Variants in LRRC8D observed in about 807,000 individuals in gnomAD.
LRRC8D encodes the protein leucine rich repeat containing 8 VRAC subunit D.
Under a neutral mutation model 55.8 loss-of-function variants are expected in LRRC8D, and 20 were observed. The observed-to-expected ratio is 0.36, with a 90% CI of 0.25 to 0.52. The LOEUF is 0.52. Among genes scored for constraint, LRRC8D ranks in the 20% least tolerant of loss-of-function variants. LRRC8D has a pLI of 0.93. For missense variants in LRRC8D, 651 were observed against 1,030.8 expected, an observed-to-expected ratio of 0.63 and a Z score of 5.05; for synonymous variants, 352 against 377.0, an observed-to-expected ratio of 0.93 and a Z score of 0.77.
At chr1:89,864,994 C>G (rs1288673843) in intron 2 of LRRC8D, among the ~76,000 whole-genome samples, 1 of 152,194 alleles carries the variant, frequency 6.6e-6, no homozygotes, top group East Asian at 1.9e-4. Context: ...AGCTGTCTAA[C>G]CCCTAAACTG....
chr1:89,887,940 A>G (rs1662466153), intron 2 of LRRC8D, among the ~76,000 whole-genome samples: 1 of 152,214 alleles, frequency 6.6e-6, no homozygotes, highest in Non-Finnish European at 1.5e-5. Flanking sequence ...TCATACCCTG[A>G]GTTTATTATC....
Position 89,933,954 on chromosome 1 carries a change from G to T in LRRC8D, c.886G>T (p.Ala296Ser). 1 of 1,614,166 alleles carries T rather than the reference G, an allele frequency of 6.2e-7. No individual in the cohort carries two copies. The highest frequency in any genetic ancestry group is 1.3e-5 in the African/African-American group (1 of 75,054). ...GTTTGAGAAAGTGAGGAAGTTCCGTGCCCATGTGGAAGATAGTGACTTGAT... is the reference window on the plus strand; with the variant it reads ...GTTTGAGAAAGTGAGGAAGTTCCGTTCCCATGTGGAAGATAGTGACTTGAT... ...ALFEKVRKFR[A>S]HVEDSDLIYK... is the part of the protein sequence containing the mutation. Residue 296 changes from alanine (A) to serine (S), a missense_variant, in exon 3 of 3, where the codon GCC (alanine) becomes TCC (serine). By Grantham distance (99) the Ala-to-Ser change is moderately conservative. Transcript: ENST00000337338. The surrounding 1 kb of genome is among the most constrained non-coding windows in gnomAD (Gnocchi z 7.0).
intron 2 of LRRC8D, among the ~76,000 whole-genome samples, chr1:89,860,956 A>G (rs1297656765): frequency 6.6e-6 from 1 of 151,730 alleles, no homozygotes; most frequent in East Asian, 1.9e-4. Flanking sequence ...TGGGATAAAG[A>G]TAGGTAGAAG....
chr1:89,930,734 T>C (rs979646419), intron 2 of LRRC8D, among the ~76,000 whole-genome samples: 7 of 151,638 alleles, frequency 4.6e-5, no homozygotes, highest in Admixed American at 4.0e-4. Flanking sequence ...GTATGTGAAG[T>C]AAGAGTCATT....
intron 1 of LRRC8D, among the ~76,000 whole-genome samples, chr1:89,835,363 T>C (rs1660980114): frequency 6.6e-6 from 1 of 152,224 alleles, no homozygotes; most frequent in South Asian, 2.1e-4. Context: ...GTGGAAGTTC[T>C]GTCTGTGTAG....
Position 89,935,267 on chromosome 1 carries a change from C to T in LRRC8D, c.2199C>T (p.Cys733=). Residue 733 remains cysteine (C), a synonymous_variant, in exon 3 of 3, where the codon TGC becomes TGT. Transcript: ENST00000337338. ...VAVFSLQKLR[C]LDVSYNNISM... ...TATTTAGTTTACAGAAACTCAGATGCTTAGATGTGAGCTACAACAACATTT... is the reference window on the plus strand; with the variant it reads ...TATTTAGTTTACAGAAACTCAGATGTTTAGATGTGAGCTACAACAACATTT... The T allele has an allele frequency of 6.2e-7, 1 of 1,614,136 alleles. No homozygotes were observed. Among genetic ancestry groups the T allele is most frequent in the Non-Finnish European group, 8.5e-7 (1 of 1,179,980 alleles).
intron 2 of LRRC8D, among the ~76,000 whole-genome samples, chr1:89,906,217 A>G (rs1344059): frequency 0.39 from 59,162 of 151,990 alleles, 11,780 homozygotes; most frequent in African/African-American, 0.42. Flanking sequence ...TGAGCGGAAC[A>G]ATTCCTCTTT....
rs548743592 is a variant in LRRC8D, at chr1:89,866,182, C to T, written c.-3+22400C>T. Among the ~76,000 whole-genome samples, 55 of 152,296 alleles carry T rather than the reference C, an allele frequency of 3.6e-4. 1 individual carries two copies. The highest frequency in any genetic ancestry group is 1.0e-3 in the Admixed American group (16 of 15,298). On this transcript the variant is annotated intron_variant, in intron 2 of 2. Transcript: ENST00000337338. ...CTGAAGCAGTTACTATAGTACATTC[C>T]TTCACTGTTTGTCATTTTATGGTGC...
chr1:89,836,063 C>G (rs965690972), intron 1 of LRRC8D, among the ~76,000 whole-genome samples: 1 of 152,236 alleles, frequency 6.6e-6, no homozygotes, highest in Admixed American at 6.5e-5. Context: ...GGTCAAGAAT[C>G]TCTTCCTGCA....
At chr1:89,860,756 C>CAAAAAAAAAAAAAA (rs1181859656) in intron 2 of LRRC8D, among the ~76,000 whole-genome samples, 1 of 18,846 alleles carries the variant, frequency 5.3e-5, no homozygotes, top group East Asian at 5.0e-3. Flanking sequence ...GACTCTATCT[C>CAAAAAAAAAAAAAA]AAAAAAAAAA....
intron 1 of LRRC8D, chr1:89,843,433 C>G (rs1276723649): frequency 2.7e-6 from 1 of 366,538 alleles, no homozygotes. Flanking sequence ...AGGGGGGGCC[C>G]GGGCCGAGGC....
intron 1 of LRRC8D, among the ~76,000 whole-genome samples, chr1:89,825,260 G>C (rs559640595): frequency 6.6e-6 from 1 of 152,318 alleles, no homozygotes; most frequent in Admixed American, 6.5e-5. Context: ...GTGAGTTCTA[G>C]GGCTAATTAG....
At chr1:89,868,895 TG>T (rs755905335) in intron 2 of LRRC8D, among the ~76,000 whole-genome samples, 4 of 152,126 alleles carry the variant, frequency 2.6e-5, no homozygotes, top group Admixed American at 6.6e-5. Context: ...TTTTTGTTGT[TG>T]TTTTTTTGTT....
intron 2 of LRRC8D, among the ~76,000 whole-genome samples, chr1:89,921,567 G>A (rs1663420501): frequency 6.6e-6 from 1 of 151,666 alleles, no homozygotes; most frequent in Non-Finnish European, 1.5e-5. Flanking sequence ...TTGAGAGAGA[G>A]AGAGTCTTGC....
chr1:89,904,483 C>T (rs1662943263), intron 2 of LRRC8D, among the ~76,000 whole-genome samples: 1 of 152,180 alleles, frequency 6.6e-6, no homozygotes, highest in Non-Finnish European at 1.5e-5. Context: ...CACTTTTCTT[C>T]CTTAAAAGGA....
chr1:89,879,206 G>C (rs544741271), intron 2 of LRRC8D, among the ~76,000 whole-genome samples: 38 of 152,290 alleles, frequency 2.5e-4, no homozygotes, highest in Admixed American at 4.6e-4. Flanking sequence ...AGCAATGAAA[G>C]AGTTTATCCT....
At chr1:89,842,843 G>C (rs1345985068) in intron 1 of LRRC8D, among the ~76,000 whole-genome samples, 1 of 152,236 alleles carries the variant, frequency 6.6e-6, no homozygotes, top group African/African-American at 2.4e-5. Context: ...AGAGAACTAC[G>C]GAATCATTTT....
At chr1:89,853,248 A>C (rs1484363396) in intron 2 of LRRC8D, among the ~76,000 whole-genome samples, 1 of 152,234 alleles carries the variant, frequency 6.6e-6, no homozygotes, top group East Asian at 1.9e-4. Flanking sequence ...TTACATCTGA[A>C]GGTGTCATTA....
chr1:89,869,911 C>T (rs1320718587), intron 2 of LRRC8D, among the ~76,000 whole-genome samples: 1 of 151,380 alleles, frequency 6.6e-6, no homozygotes, highest in Non-Finnish European at 1.5e-5. Context: ...AGTTTGAGAC[C>T]AGCCTGACCA....
Sources: allele counts gnomAD v4.1 joint callset (sites outside exome capture counted in the v4.1 genomes callset), GRCh38; gene constraint gnomAD v4.1.1; non-coding constraint Gnocchi (gnomAD v3.1); transcripts MANE v1.5; gene names NCBI Gene and HGNC (gene_info 2026-07-23, HGNC 2026-07-21).